Variants in CUX2 observed in about 807,000 individuals in gnomAD.
The protein encoded by CUX2 is homeobox protein cut-like 2.
CUX2 carries 40 observed loss-of-function variants against 144.8 expected under a neutral mutation model. The observed-to-expected ratio is 0.28, with a 90% CI of 0.21 to 0.36. The LOEUF is 0.36. Among genes scored for constraint, CUX2 ranks in the 10% least tolerant of loss-of-function variants. The pLI, the probability that CUX2 is intolerant of heterozygous loss-of-function variation, is 1.00. For synonymous variants in CUX2, 827 were observed against 875.6 expected (o/e 0.94, Z 0.98); for missense variants, 1,615 against 1,994.0 (o/e 0.81, Z 3.62).
At chr12:111,347,233 T>C (rs1456996503) in intron 21 of CUX2, among the ~76,000 whole-genome samples, 4 of 152,084 alleles carry the variant, frequency 2.6e-5, no homozygotes, top group Non-Finnish European at 5.9e-5. Flanking sequence ...ATCATGAGCT[T>C]TGGGATTCAG....
chr12:111,220,742 GCAA>G (rs1565857211), intron 3 of CUX2, among the ~76,000 whole-genome samples: 11 of 38,664 alleles, frequency 2.8e-4, no homozygotes, highest in Non-Finnish European at 3.6e-4. Flanking sequence ...CCTCATCTCT[GCAA>G]AAAAAAAAAA....
Position 111,293,464 on chromosome 12 carries a change from C to T in CUX2, c.455C>T (p.Ser152Leu), listed in dbSNP as rs964705290. 11 of 1,608,060 alleles carry T rather than the reference C, an allele frequency of 6.8e-6. No individual in the cohort carries two copies. The highest frequency in any genetic ancestry group is 3.3e-5 in the South Asian group (3 of 89,642). The change falls in exon 6 of 22, where the codon TCG (serine) becomes TTG (leucine). Residue 152 changes from serine (S) to leucine (L), a missense_variant. Transcript: ENST00000261726. This position sits in a 1 kb window ranked among gnomAD's most constrained non-coding sequence, Gnocchi z 4.5. ...CCTGCAGAGCAGAGAGAGGGGACGT[C>T]GCCTGCCGGGCCCACGCTGACCGAG... The part of the protein sequence containing the change: ...LSPKEQREGT[S>L]PAGPTLTEGS...
intron 1 of CUX2, among the ~76,000 whole-genome samples, chr12:111,137,960 C>A (rs1876023991): frequency 6.6e-6 from 1 of 152,360 alleles, no homozygotes; most frequent in Admixed American, 6.5e-5. Flanking sequence ...GCCCTGCTGT[C>A]TGGCTTTGGG....
At chr12:111,043,995 C>T (rs1339710815) in intron 1 of CUX2, among the ~76,000 whole-genome samples, 2 of 152,236 alleles carry the variant, frequency 1.3e-5, no homozygotes. Context: ...GAAATTCTGG[C>T]ACAGACTCGT....
intron 18 of CUX2, among the ~76,000 whole-genome samples, chr12:111,328,307 C>T (rs1027788474): frequency 1.3e-5 from 2 of 152,144 alleles, no homozygotes; most frequent in African/African-American, 2.4e-5. Context: ...GGGCAGGGAC[C>T]GGCACTGGAA....
intron 18 of CUX2, among the ~76,000 whole-genome samples, chr12:111,329,250 A>G (rs1887980464): frequency 6.6e-6 from 1 of 151,140 alleles, no homozygotes; most frequent in Non-Finnish European, 1.5e-5. Context: ...TCCTGTCCCC[A>G]GCTGCCCACA....
intron 1 of CUX2, among the ~76,000 whole-genome samples, chr12:111,131,814 C>A (rs1019727607): frequency 5.9e-5 from 9 of 152,220 alleles, no homozygotes; most frequent in Non-Finnish European, 1.2e-4. Context: ...GGCAGCTCCA[C>A]CCCTGTGGCT....
chr12:111,081,508 C>T (rs1871883718), intron 1 of CUX2, among the ~76,000 whole-genome samples: 1 of 152,030 alleles, frequency 6.6e-6, no homozygotes, highest in Non-Finnish European at 1.5e-5. Flanking sequence ...AGGGAAGAAC[C>T]TCACCCAGGA....
rs1465916018 is a variant in CUX2, at chr12:111,320,525, C to T, written c.2516C>T (p.Ala839Val). 9.0e-6 allele frequency: 14 copies of T among 1,559,522 alleles called. No individual in the cohort carries two copies. The highest frequency in any genetic ancestry group is 1.8e-5 in the Admixed American group (1 of 54,608). Residue 839 changes from alanine to valine, a missense_variant, in exon 17 of 22, where the codon GCG (alanine) becomes GTG (valine). Physicochemically the swap from Ala to Val is moderately conservative, Grantham distance 64 (BLOSUM62 0). Around this residue, in one of 12 missense-constraint regions of CUX2, gnomAD observed 390 missense variants for 387.1 expected, o/e 1.01. Coordinates refer to ENST00000261726, the MANE Select transcript of CUX2 (RefSeq NM_015267.4). This position sits in a 1 kb window ranked among gnomAD's most constrained non-coding sequence, Gnocchi z 8.1. ...CCTGTGCCCCCCGAGGACGAGGCGG[C>T]GGCAGGGGCGGAGGACGAACCCCCC... The part of the protein sequence containing the change: ...EAPVPPEDEA[A>V]AGAEDEPPRT...
chr12:111,139,362 G>A (rs867505371), intron 1 of CUX2, among the ~76,000 whole-genome samples: 1 of 152,128 alleles, frequency 6.6e-6, no homozygotes, highest in Non-Finnish European at 1.5e-5. Flanking sequence ...ATGTGATGGG[G>A]ACATTTTCTG....
chr12:111,034,265 G>A lies in CUX2; in HGVS notation c.63+25G>A, dbSNP rs769546020. On this transcript the variant is annotated intron_variant, in intron 1 of 21. Coordinates refer to ENST00000261726, the MANE Select transcript of CUX2 (RefSeq NM_015267.4). The surrounding 1 kb of genome is among the most constrained non-coding windows in gnomAD (Gnocchi z 4.2). Reference sequence around the variant, plus strand: ...GGTTAGTGCGGGCAGCGCCGGCCGCGCGGCCGTGAGGAGCCCCCGGGCGCG... The same window carrying A: ...GGTTAGTGCGGGCAGCGCCGGCCGCACGGCCGTGAGGAGCCCCCGGGCGCG... 7 of 1,325,772 alleles carry A rather than the reference G, an allele frequency of 5.3e-6. No homozygotes were observed. In the African/African-American group the frequency reaches 7.9e-5, roughly 15 times the overall value. 82.1% of individuals were successfully genotyped at this position (1,325,772 alleles called of 1,614,324 possible).
intron 19 of CUX2, among the ~76,000 whole-genome samples, chr12:111,336,793 A>G (rs1015153922): frequency 6.6e-6 from 1 of 152,048 alleles, no homozygotes; most frequent in Non-Finnish European, 1.5e-5. Context: ...CTGAACACAT[A>G]TAAGAACATA....
intron 3 of CUX2, among the ~76,000 whole-genome samples, chr12:111,251,988 T>C (rs561862218): frequency 1.9e-4 from 29 of 152,234 alleles, no homozygotes; most frequent in Non-Finnish European, 4.3e-4. Context: ...AAGACCAGCC[T>C]GGGCAACATA....
intron 1 of CUX2, among the ~76,000 whole-genome samples, chr12:111,071,869 A>G (rs183163070): frequency 5.3e-5 from 8 of 152,278 alleles, no homozygotes; most frequent in Admixed American, 5.2e-4. Context: ...TGAAAAGACA[A>G]ATATCTCTTC....
chr12:111,226,214 G>T (rs1012132959), intron 3 of CUX2, among the ~76,000 whole-genome samples: 4 of 152,210 alleles, frequency 2.6e-5, no homozygotes, highest in Non-Finnish European at 5.9e-5. Flanking sequence ...AAAGTGCTGG[G>T]ATTACAGGCG....
intron 18 of CUX2, among the ~76,000 whole-genome samples, chr12:111,331,795 T>G (rs1242111788): frequency 6.6e-6 from 1 of 151,922 alleles, no homozygotes; most frequent in Non-Finnish European, 1.5e-5. Context: ...AAATGAAAAA[T>G]GGGCCCGGCA....
chr12:111,265,819 C>T (rs1294358389), intron 4 of CUX2, among the ~76,000 whole-genome samples: 1 of 152,140 alleles, frequency 6.6e-6, no homozygotes, highest in Non-Finnish European at 1.5e-5. Flanking sequence ...CATCCTTCCA[C>T]ACAGTGGCAG....
Position 111,049,601 on chromosome 12 carries a change from T to G in CUX2, c.63+15361T>G, listed in dbSNP as rs148720372. On this transcript the variant is annotated intron_variant, in intron 1 of 21. Transcript: ENST00000261726. ...GGTTGGTGAGGGCTGCTGGAGAGGG[T>G]TCTAGACTTGAGACGTGTAGTTCTC... Among the ~76,000 whole-genome samples, 504 of 152,018 alleles carry G rather than the reference T, an allele frequency of 3.3e-3. 2 individuals carry two copies. Among genetic ancestry groups the G allele is most frequent in the African/African-American group, 0.012 (479 of 41,448 alleles).
intron 1 of CUX2, among the ~76,000 whole-genome samples, chr12:111,073,734 A>C (rs1414914076): frequency 6.6e-6 from 1 of 152,058 alleles, no homozygotes; most frequent in African/African-American, 2.4e-5. Flanking sequence ...CCAAAGCAGG[A>C]GGATCACTTG....
Sources: gnomAD v4.1 joint callset for allele counts (sites outside exome capture counted in the v4.1 genomes callset) on GRCh38, gnomAD v4.1.1 for gene constraint, gnomAD v4.1.1 regional missense constraint, Gnocchi (gnomAD v3.1) non-coding constraint, MANE v1.5 for transcripts, NCBI Gene and HGNC (gene_info 2026-07-23, HGNC 2026-07-21) for gene names.